DOCK2: variants seen among roughly 807,000 people sequenced by gnomAD.
DOCK2 encodes dedicator of cytokinesis 2.
In DOCK2, 87 loss-of-function variants were observed where a neutral mutation model predicts 248.9. That is an observed-to-expected ratio of 0.35 (90% CI 0.29 to 0.42). DOCK2 has a LOEUF of 0.42. Among genes scored for constraint, DOCK2 ranks in the 10% least tolerant of loss-of-function variants. The probability of loss-of-function intolerance (pLI) is 1.00; values close to 1 mark genes in which losing one functional copy is unlikely to be tolerated. For synonymous variants in DOCK2, 805 were observed against 821.6 expected (o/e 0.98, Z 0.35); for missense variants, 1,747 against 2,300.2 (o/e 0.76, Z 4.92).
intron 26 of DOCK2, among the ~76,000 whole-genome samples, chr5:169,823,741 A>G (rs1193508175): frequency 2.0e-5 from 3 of 152,216 alleles, no homozygotes; most frequent in South Asian, 4.1e-4. Context: ...CACCACTCCT[A>G]TTCAACATAG....
chr5:169,669,189 T>G (rs1264447518), intron 2 of DOCK2, 99 bp from the exon 3 acceptor site: 2 of 1,431,000 alleles, frequency 1.4e-6, no homozygotes, highest in East Asian at 4.6e-5. Flanking sequence ...CAATTTGCAG[T>G]AGTTTTACTA....
At chr5:169,851,240 A>G (rs1408019237) in intron 27 of DOCK2, among the ~76,000 whole-genome samples, 1 of 152,250 alleles carries the variant, frequency 6.6e-6, no homozygotes, top group Non-Finnish European at 1.5e-5. Flanking sequence ...GTTTTGTTTC[A>G]TGCCAATCTT....
intron 28 of DOCK2, 106 bp downstream of exon 28, chr5:169,983,272 G>T: frequency 8.5e-7 from 1 of 1,173,836 alleles, no homozygotes. Context: ...ATCTAGATAT[G>T]ACTTAACCAA....
chr5:169,640,165 T>C lies in DOCK2; in HGVS notation c.43+2796T>C, dbSNP rs80211717. On this transcript the variant is annotated intron_variant, in intron 1 of 51. Transcript: ENST00000520908. Reference sequence around the variant, plus strand: ...CTCCGAATATGCACTTATCTCCAAATAGGAGTACCTTCTGAGACACTGATG... The same window carrying C: ...CTCCGAATATGCACTTATCTCCAAACAGGAGTACCTTCTGAGACACTGATG... Among the ~76,000 whole-genome samples, 443 of 152,360 alleles carry C rather than the reference T, an allele frequency of 2.9e-3. 3 individuals are homozygous for C. Among genetic ancestry groups the C allele is most frequent in the African/African-American group, 0.01 (420 of 41,594 alleles).
At chr5:169,938,842 CTG>C (rs1361488391) in intron 27 of DOCK2, among the ~76,000 whole-genome samples, 5 of 152,076 alleles carry the variant, frequency 3.3e-5, no homozygotes, top group African/African-American at 1.2e-4. Context: ...TATTGTATAA[CTG>C]TGCAAAAATA....
chr5:169,646,352 GTCA>G (rs746208750), intron 1 of DOCK2, among the ~76,000 whole-genome samples: 3 of 152,148 alleles, frequency 2.0e-5, no homozygotes, highest in African/African-American at 4.8e-5. Context: ...AAGCCCTTGT[GTCA>G]TCATGTTTAG....
At position 169,803,045 on chromosome 5, in the gene DOCK2, G is replaced by T. The variant is rs766828194; in HGVS notation, c.2555-13G>T. On this transcript the variant is annotated splice_polypyrimidine_tract_variant and intron_variant, in intron 25 of 51. Coordinates refer to ENST00000520908, the MANE Select transcript of DOCK2 (RefSeq NM_004946.3). ...GAGGAATTCTACACTACTCTGAACT[G>T]TCTTTATTCCAGAATGCCGGGACAT... 27 of 1,613,946 alleles carry T rather than the reference G, an allele frequency of 1.7e-5. No individual in the cohort carries two copies. In the South Asian group the frequency reaches 3.0e-4, roughly 18 times the overall value.
intron 1 of DOCK2, among the ~76,000 whole-genome samples, chr5:169,643,140 C>T (rs985933623): frequency 3.9e-5 from 6 of 152,170 alleles, no homozygotes; most frequent in Non-Finnish European, 5.9e-5. Flanking sequence ...AATTGAAAAA[C>T]AGTCAGGCTG....
At chr5:170,059,013 A>C (rs1561902516) in intron 44 of DOCK2, among the ~76,000 whole-genome samples, 1 of 152,144 alleles carries the variant, frequency 6.6e-6, no homozygotes, top group Non-Finnish European at 1.5e-5. Flanking sequence ...TGTGAGGTAG[A>C]TATTATTATT....
At chr5:169,820,371 A>G (rs1259170861) in intron 26 of DOCK2, among the ~76,000 whole-genome samples, 3 of 152,202 alleles carry the variant, frequency 2.0e-5, no homozygotes, top group Admixed American at 6.5e-5. Context: ...GGCACCCCCC[A>G]GTAGGGGCAG....
In DOCK2 at chr5:170,025,219, T is replaced by C. The variant is rs553572327; in HGVS notation, c.3382-2644T>C. The stretch of plus-strand genomic sequence containing the variant: ...ACTGTAGGTACTACTGTTATGCCCA[T>C]TGTATTGATAAGGGGTAGACAAACT... On this transcript the variant is annotated intron_variant, in intron 33 of 51. Transcript: ENST00000520908. 2.6e-5 allele frequency among the ~76,000 whole-genome samples: 4 copies of C among 152,362 alleles called. No homozygotes were observed. The South Asian group carries it at 8.3e-4, about 32-fold the overall frequency.
intron 50 of DOCK2, chr5:170,081,590 TGGGGCAAGGTTTTGACCA>T (rs1758034704): frequency 2.0e-6 from 1 of 500,340 alleles, no homozygotes. Context: ...GTCAGGGCTT[TGGGGCAAGGTTTTGACCA>T]GGAGCCAGGA....
At chr5:169,883,000 G>T in intron 27 of DOCK2, 3 of 1,551,644 alleles carry the variant, frequency 1.9e-6, no homozygotes, top group Non-Finnish European at 2.6e-6. Flanking sequence ...AGGAACACAC[G>T]TTTCCTTTGA....
At chr5:169,885,907 A>C (rs2113520339) in intron 27 of DOCK2, among the ~76,000 whole-genome samples, 1 of 152,302 alleles carries the variant, frequency 6.6e-6, no homozygotes, top group South Asian at 2.1e-4. Context: ...TCCCCCTTAG[A>C]CTTACGGGGA....
chr5:169,710,258 T>G (rs1020096120), intron 15 of DOCK2, among the ~76,000 whole-genome samples: 1 of 152,174 alleles, frequency 6.6e-6, no homozygotes, highest in African/African-American at 2.4e-5. Context: ...CCAGTGGAAA[T>G]GGAGGCCAGG....
chr5:169,953,478 T>C (rs1776749284), intron 27 of DOCK2, among the ~76,000 whole-genome samples: 1 of 152,206 alleles, frequency 6.6e-6, no homozygotes, highest in Admixed American at 6.5e-5. Context: ...CCCTTGTTTA[T>C]GAAATGGAGG....
At chr5:169,994,002 CT>C (rs533080958) in intron 29 of DOCK2, among the ~76,000 whole-genome samples, 326 of 152,226 alleles carry the variant, frequency 2.1e-3, no homozygotes, top group Non-Finnish European at 3.8e-3. Flanking sequence ...AAATTGTTTC[CT>C]TTTTTCCCCC....
intron 26 of DOCK2, among the ~76,000 whole-genome samples, chr5:169,814,061 T>C (rs1231552143): frequency 6.6e-6 from 1 of 152,210 alleles, no homozygotes; most frequent in East Asian, 1.9e-4. Flanking sequence ...CTAAAAGTCA[T>C]GGACAAAAAT....
intron 27 of DOCK2, among the ~76,000 whole-genome samples, chr5:169,877,776 G>A (rs1484778393): frequency 1.3e-5 from 2 of 152,146 alleles, no homozygotes; most frequent in Non-Finnish European, 2.9e-5. Flanking sequence ...GATAAGACGA[G>A]GAGCAGTCTG....
Sources: allele counts gnomAD v4.1 joint callset (sites outside exome capture counted in the v4.1 genomes callset), GRCh38; gene constraint gnomAD v4.1.1; transcripts MANE v1.5; gene names NCBI Gene and HGNC (gene_info 2026-07-23, HGNC 2026-07-21).